IMPA2: variants seen among roughly 807,000 people sequenced by gnomAD.
IMPA2 encodes the protein IMP 2.
A neutral mutation model predicts 35.1 loss-of-function variants in IMPA2; 32 were observed. That is an observed-to-expected ratio of 0.91 (90% CI 0.69 to 1.23). The LOEUF is 1.23. Ranked by LOEUF, IMPA2 falls within the 50% of genes most tolerant of loss-of-function variation. The probability of loss-of-function intolerance (pLI) is 0.00; values close to 1 mark genes in which losing one functional copy is unlikely to be tolerated. For missense variants in IMPA2, 334 were observed against 387.6 expected (o/e 0.86, Z 1.16); for synonymous variants, 135 against 160.6 (o/e 0.84, Z 1.20).
intron 5 of IMPA2, among the ~76,000 whole-genome samples, chr18:12,017,013 TCTCTCTCTTTCTCC>T (rs1568036173): frequency 6.6e-6 from 1 of 152,026 alleles, no homozygotes; most frequent in African/African-American, 2.4e-5. Context: ...ACCACTAATC[TCTCTCTCTTTCTCC>T]CTCTCTCTTT....
rs1257376291 is a variant in IMPA2 at position 12,023,267 on chromosome 18, A to G, written c.491-4776A>G. On this transcript the variant is annotated intron_variant, in intron 5 of 7. Transcript: ENST00000269159. ...ACAATCACCAGACAAGCTTGGGTGTAAGTCTGGCCCCACCATGTAATGGCT... is the reference window on the plus strand; with the variant it reads ...ACAATCACCAGACAAGCTTGGGTGTGAGTCTGGCCCCACCATGTAATGGCT... Among the ~76,000 whole-genome samples, 5 of 152,140 alleles carry G rather than the reference A, an allele frequency of 3.3e-5. No individual in the cohort carries two copies. The East Asian group carries it at 9.7e-4, about 29-fold the overall frequency.
chr18:11,996,943 C>T (rs556014332), intron 1 of IMPA2, among the ~76,000 whole-genome samples: 5 of 152,016 alleles, frequency 3.3e-5, no homozygotes, highest in African/African-American at 9.6e-5. Flanking sequence ...CACACCGATA[C>T]ACACACACCC....
intron 2 of IMPA2, among the ~76,000 whole-genome samples, 196 bp downstream of exon 2, chr18:11,999,383 A>G (rs1022901958): frequency 6.6e-6 from 1 of 152,246 alleles, no homozygotes; most frequent in Non-Finnish European, 1.5e-5. Context: ...TTTTACTGTC[A>G]TCTTAACAAC....
chr18:12,011,532 C>A (rs1210301232), intron 3 of IMPA2, among the ~76,000 whole-genome samples: 3 of 152,232 alleles, frequency 2.0e-5, no homozygotes, highest in Non-Finnish European at 4.4e-5. Context: ...TGCATTTTTC[C>A]TGTCAGTTTG....
rs537540202 is a variant in IMPA2 at position 12,023,167 on chromosome 18, CAGA to C, written c.491-4867_491-4865del. On this transcript the variant is annotated intron_variant, in intron 5 of 7. Coordinates refer to ENST00000269159, the MANE Select transcript of IMPA2 (RefSeq NM_014214.3). ...TGAGAAGGAATTAATTCAGGGTGGC[CAGA>C]AGAAGAAGGTGCTGGATTCAGAGCA... 3.4e-3 allele frequency among the ~76,000 whole-genome samples: 512 copies of C among 152,120 alleles called. 1 individual carries two copies. The highest frequency in any genetic ancestry group is 0.012 in the African/African-American group (489 of 41,510).
chr18:12,030,511 C>G lies in IMPA2; in HGVS notation c.*53C>G. 1 of 1,477,316 alleles carries G rather than the reference C, an allele frequency of 6.8e-7. No individual in the cohort carries two copies. The highest frequency in any genetic ancestry group is 9.5e-7 in the Non-Finnish European group (1 of 1,057,146). The allele number at this position is 1,477,316 out of a possible 1,614,324, so 91.5% of individuals were successfully genotyped here. A position where few individuals can be genotyped will look rare whatever the true frequency, so the allele number is the denominator to read the frequency against. On this transcript the variant is annotated 3_prime_UTR_variant, in exon 8 of 8. Coordinates refer to ENST00000269159, the MANE Select transcript of IMPA2 (RefSeq NM_014214.3). Reference sequence around the variant, plus strand: ...GGCCTCCCTGGGCTGCTGTGGGCTCCTGGGGAGGTGGCCCTCGTGGCCCAC... The same window carrying G: ...GGCCTCCCTGGGCTGCTGTGGGCTCGTGGGGAGGTGGCCCTCGTGGCCCAC...
chr18:11,988,000 G>A (rs1415062298), intron 1 of IMPA2, among the ~76,000 whole-genome samples: 2 of 83,834 alleles, frequency 2.4e-5, no homozygotes, highest in Non-Finnish European at 4.6e-5. Flanking sequence ...ATGTTTATTG[G>A]CTTTTTTTTT....
intron 5 of IMPA2, among the ~76,000 whole-genome samples, chr18:12,019,680 A>G (rs1238370824): frequency 1.3e-5 from 2 of 152,042 alleles, no homozygotes; most frequent in African/African-American, 4.8e-5. Context: ...TCTTTTGTTC[A>G]TTGTTGATTT....
At chr18:11,993,323 G>A (rs532694392) in intron 1 of IMPA2, among the ~76,000 whole-genome samples, 114 of 152,302 alleles carry the variant, frequency 7.5e-4, no homozygotes, top group African/African-American at 2.6e-3. Flanking sequence ...ATCCTGGAAG[G>A]GAATTTTTCA....
Position 12,030,347 on chromosome 18 carries a change from A to G in IMPA2, c.756A>G (p.Gly252=), listed in dbSNP as rs779842491. The G allele has an allele frequency of 4.3e-6, 7 of 1,613,646 alleles. No homozygotes were observed. In the South Asian group the frequency reaches 7.7e-5, roughly 18 times the overall value. The change falls in exon 8 of 8, where the codon GGA becomes GGG. Residue 252 remains glycine, a synonymous_variant. Transcript: ENST00000269159. Reference sequence around the variant, plus strand: ...GCTCTCTCTGTCTGTCCCCAGGTGGACCCCTCGACCTCATGGCTTGCAGAG... The same window carrying G: ...GCTCTCTCTGTCTGTCCCCAGGTGGGCCCCTCGACCTCATGGCTTGCAGAG... ...AGGIVIDTSG[G]PLDLMACRVV...
At chr18:12,027,969 C>A in intron 5 of IMPA2, 74 bp from the exon 6 acceptor site, 1 of 895,882 alleles carries the variant, frequency 1.1e-6, no homozygotes, top group South Asian at 1.4e-5. Context: ...GAAAGGCTCA[C>A]GTTGGAAGCC....
At position 12,010,423 on chromosome 18, in the gene IMPA2, T is replaced by C. The variant is rs757099847; in HGVS notation, c.335+436T>C. Among the ~76,000 whole-genome samples, 2 of 152,152 alleles carry C rather than the reference T, an allele frequency of 1.3e-5. No individual in the cohort carries two copies. Among genetic ancestry groups the C allele is most frequent in the Non-Finnish European group, 2.9e-5 (2 of 68,036 alleles). On this transcript the variant is annotated intron_variant, in intron 3 of 7. Coordinates refer to ENST00000269159, the MANE Select transcript of IMPA2 (RefSeq NM_014214.3). The surrounding 1 kb of genome is among the most constrained non-coding windows in gnomAD (Gnocchi z 4.8). The stretch of plus-strand genomic sequence containing the variant: ...CCAGCTTCCTGTATGAGAGCAAACC[T>C]TGTGGTTACAAAAAGCAGGAGGTTT...
intron 2 of IMPA2, among the ~76,000 whole-genome samples, chr18:12,007,667 C>CTTTCTTTCTT (rs1568032958): frequency 4.1e-5 from 4 of 98,562 alleles, no homozygotes; most frequent in Non-Finnish European, 6.6e-5. Flanking sequence ...TTCTTTCTTT[C>CTTTCTTTCTT]TTTCTTTCTT....
At chr18:12,030,105 G>A (rs965327799) in intron 7 of IMPA2, among the ~76,000 whole-genome samples, 10 of 152,224 alleles carry the variant, frequency 6.6e-5, no homozygotes, top group South Asian at 4.1e-4. Context: ...CTTCAGAGCC[G>A]CACTCTGTTC....
At chr18:12,008,163 T>G (rs925648596) in intron 2 of IMPA2, among the ~76,000 whole-genome samples, 4 of 152,098 alleles carry the variant, frequency 2.6e-5, no homozygotes, top group African/African-American at 9.7e-5. Flanking sequence ...GCCCAGCTAA[T>G]TTTTGTATTT....
rs1298929190 is a variant in IMPA2 at position 12,012,151 on chromosome 18, T to G, written c.336-19T>G. On this transcript the variant is annotated intron_variant, in intron 3 of 7. Coordinates refer to ENST00000269159, the MANE Select transcript of IMPA2 (RefSeq NM_014214.3). ...CCGCTCTTGTTCCAGAGAGTAAACCTTTCTATTTTCCTTTGCAGATTCCCG... is the reference window on the plus strand; with the variant it reads ...CCGCTCTTGTTCCAGAGAGTAAACCGTTCTATTTTCCTTTGCAGATTCCCG... 2 of 1,613,686 alleles carry G rather than the reference T, an allele frequency of 1.2e-6. No homozygotes were observed. Among genetic ancestry groups the G allele is most frequent in the Non-Finnish European group, 1.7e-6 (2 of 1,179,690 alleles).
intron 1 of IMPA2, among the ~76,000 whole-genome samples, chr18:11,986,815 C>G (rs1906679333): frequency 2.6e-5 from 4 of 152,152 alleles, no homozygotes; most frequent in Admixed American, 2.6e-4. Flanking sequence ...TCATTGTTGA[C>G]AGAATTATTC....
chr18:12,025,413 G>C (rs1366110101), intron 5 of IMPA2, among the ~76,000 whole-genome samples: 3 of 152,222 alleles, frequency 2.0e-5, no homozygotes, highest in Non-Finnish European at 2.9e-5. Context: ...GGACGGTATG[G>C]TAAGAGTATG....
chr18:12,017,356 A>G (rs1381374300), intron 5 of IMPA2, among the ~76,000 whole-genome samples: 1 of 152,190 alleles, frequency 6.6e-6, no homozygotes, highest in Non-Finnish European at 1.5e-5. Flanking sequence ...CGTGTCTCCA[A>G]AAACAGACTG....
Sources: allele counts gnomAD v4.1 joint callset (sites outside exome capture counted in the v4.1 genomes callset), GRCh38; gene constraint gnomAD v4.1.1; non-coding constraint Gnocchi (gnomAD v3.1); transcripts MANE v1.5; gene names NCBI Gene and HGNC (gene_info 2026-07-23, HGNC 2026-07-21).